Variants in HPSE2 observed in about 807,000 individuals in gnomAD.
The protein encoded by HPSE2 is heparanase 2 (inactive).
Under a neutral mutation model 60.5 loss-of-function variants are expected in HPSE2, and 38 were observed. That is an observed-to-expected ratio of 0.63 (90% confidence interval 0.48 to 0.82). The LOEUF (loss-of-function observed/expected upper bound fraction) is 0.82, where lower values mean the gene tolerates loss of function less well. HPSE2 is among the 40% of genes least tolerant of loss of function. The pLI, the probability that HPSE2 is intolerant of heterozygous loss-of-function variation, is 0.00. For synonymous variants in HPSE2, 295 were observed against 293.2 expected (o/e 1.01, Z -0.06); for missense variants, 713 against 740.4 (o/e 0.96, Z 0.43).
At chr10:98,697,698 C>T (rs11189753) in intron 5 of HPSE2, among the ~76,000 whole-genome samples, 87,200 of 151,878 alleles carry the variant, frequency 0.57, 25,918 homozygotes, top group South Asian at 0.78. Context: ...CCCCAAGACA[C>T]GTAATGATCA....
chr10:98,676,708 A>G (rs1378829625), intron 6 of HPSE2, among the ~76,000 whole-genome samples: 3 of 152,314 alleles, frequency 2.0e-5, no homozygotes, highest in African/African-American at 7.2e-5. Flanking sequence ...GGACCCCTAG[A>G]GATCTAGGCC....
At chr10:98,473,915 C>A (rs1940892495) in intron 11 of HPSE2, among the ~76,000 whole-genome samples, 1 of 152,132 alleles carries the variant, frequency 6.6e-6, no homozygotes, top group South Asian at 2.1e-4. Context: ...ATAGAAGAAA[C>A]CTCTTGACCC....
At chr10:99,173,133 C>T (rs1232892220) in intron 2 of HPSE2, among the ~76,000 whole-genome samples, 1 of 152,044 alleles carries the variant, frequency 6.6e-6, no homozygotes, top group East Asian at 1.9e-4. Flanking sequence ...TTTGTAAGTG[C>T]CCTTGTGGTT....
At chr10:98,795,355 G>A (rs1394408779) in intron 3 of HPSE2, among the ~76,000 whole-genome samples, 4 of 152,206 alleles carry the variant, frequency 2.6e-5, no homozygotes, top group African/African-American at 9.6e-5. Flanking sequence ...CGGAAAGTCT[G>A]TGCACTTGGG....
intron 9 of HPSE2, among the ~76,000 whole-genome samples, chr10:98,602,583 C>T (rs1240656631): frequency 6.6e-6 from 1 of 152,026 alleles, no homozygotes. Flanking sequence ...GATTACTGTA[C>T]ATATACATAT....
At chr10:99,094,833 A>C (rs1028129336) in intron 3 of HPSE2, among the ~76,000 whole-genome samples, 17 of 151,770 alleles carry the variant, frequency 1.1e-4, no homozygotes, top group Middle Eastern at 6.8e-3. Context: ...CTGGGATTAC[A>C]GGCATGAGCC....
At chr10:98,865,262 T>C (rs903085962) in intron 3 of HPSE2, among the ~76,000 whole-genome samples, 4 of 152,122 alleles carry the variant, frequency 2.6e-5, no homozygotes, top group African/African-American at 9.7e-5. Context: ...AACTGATTCC[T>C]AAGATACTTC....
intron 2 of HPSE2, among the ~76,000 whole-genome samples, chr10:99,167,378 C>G (rs968148592): frequency 2.0e-5 from 3 of 152,116 alleles, no homozygotes; most frequent in African/African-American, 7.2e-5. Flanking sequence ...CCCTTTTCTT[C>G]TAGAAGTTTT....
intron 2 of HPSE2, among the ~76,000 whole-genome samples, chr10:99,224,016 T>A (rs1174792441): frequency 6.6e-6 from 1 of 152,108 alleles, no homozygotes; most frequent in African/African-American, 2.4e-5. Flanking sequence ...GAGAGGACAC[T>A]GGAGACTACT....
In HPSE2 at chr10:98,940,144, T is replaced by C. The variant is rs557194262; in HGVS notation, c.611-196088A>G. 4.1e-4 allele frequency among the ~76,000 whole-genome samples: 58 copies of C among 142,910 alleles called. 2 individuals carry two copies. In the South Asian group the frequency reaches 0.012, roughly 30 times the overall value. 93.8% of individuals were successfully genotyped at this position (142,910 alleles called of 152,430 possible). Reference sequence around the variant, plus strand: ...AAGAGAAAGCAGGAAAGATCCAAAATTGACACCCTAACATCACAATTAAAA... The same window carrying C: ...AAGAGAAAGCAGGAAAGATCCAAAACTGACACCCTAACATCACAATTAAAA... On this transcript the variant is annotated intron_variant, in intron 3 of 11. Coordinates refer to ENST00000370552, the MANE Select transcript of HPSE2 (RefSeq NM_021828.5).
chr10:99,096,209 C>A (rs188058519), intron 3 of HPSE2, among the ~76,000 whole-genome samples: 1 of 152,268 alleles, frequency 6.6e-6, no homozygotes, highest in African/African-American at 2.4e-5. Context: ...AAAAATAAAT[C>A]TATAAATTTA....
rs11812824 is a variant in HPSE2 at position 98,971,810 on chromosome 10, A to G, written c.610+172428T>C. 4.2e-3 allele frequency among the ~76,000 whole-genome samples: 635 copies of G among 152,244 alleles called. 2 individuals are homozygous for G. Among genetic ancestry groups the G allele is most frequent in the African/African-American group, 0.015 (611 of 41,558 alleles). On this transcript the variant is annotated intron_variant, in intron 3 of 11. Transcript: ENST00000370552. ...AGAATTCCCGTGGGGGCATAAACAC[A>G]TAAGTGAAATTTCAAATTCAAAGAG...
chr10:99,026,753 T>A (rs1163948213), intron 3 of HPSE2, among the ~76,000 whole-genome samples: 1 of 152,096 alleles, frequency 6.6e-6, no homozygotes, highest in Non-Finnish European at 1.5e-5. Flanking sequence ...TTCAGAAAAT[T>A]GAAATAGTAT....
intron 2 of HPSE2, among the ~76,000 whole-genome samples, chr10:99,216,235 C>T (rs557733623): frequency 8.6e-5 from 11 of 128,002 alleles, no homozygotes; most frequent in African/African-American, 3.4e-4. Context: ...TCACTGGTTG[C>T]CCAGGCTGGA....
chr10:98,729,300 A>AT lies in HPSE2; in HGVS notation c.785-7473dup, dbSNP rs201830322. ...AAAATACAAACAGATTGAAGGTAAA[A>AT]TTTTTTTTTAAAAGGTAGACTATGT... is the stretch of plus-strand genomic sequence containing the variant. On this transcript the variant is annotated intron_variant, in intron 4 of 11. Transcript: ENST00000370552. Among the ~76,000 whole-genome samples the AT allele has an allele frequency of 2.9e-3, 448 of 151,950 alleles. 4 individuals are homozygous for AT. The highest frequency in any genetic ancestry group is 0.01 in the African/African-American group (420 of 41,426).
At chr10:98,758,269 T>A (rs1387584766) in intron 3 of HPSE2, among the ~76,000 whole-genome samples, 1 of 150,814 alleles carries the variant, frequency 6.6e-6, no homozygotes, top group South Asian at 2.1e-4. Flanking sequence ...ATTCTGGACA[T>A]ATGCCCTGGC....
rs190091878 is a variant in HPSE2, at chr10:99,083,002, A to C, written c.610+61236T>G. Among the ~76,000 whole-genome samples, 478 of 152,336 alleles carry C rather than the reference A, an allele frequency of 3.1e-3. 4 individuals carry two copies. Among genetic ancestry groups the C allele is most frequent in the African/African-American group, 0.011 (460 of 41,592 alleles). ...CAGCACTGAGGAAGCCTTTGTTTAG[A>C]GAGCTCTACTTTGGGCCTCTACAAC... is the stretch of plus-strand genomic sequence containing the variant. On this transcript the variant is annotated intron_variant, in intron 3 of 11. Transcript: ENST00000370552.
intron 7 of HPSE2, among the ~76,000 whole-genome samples, chr10:98,627,009 G>A (rs562412016): frequency 2.6e-5 from 4 of 152,206 alleles, no homozygotes; most frequent in Admixed American, 2.0e-4. Flanking sequence ...TCCTGACGTC[G>A]TGATCCGCCC....
At chr10:99,132,201 G>GAA (rs1226001473) in intron 3 of HPSE2, among the ~76,000 whole-genome samples, 196 of 17,058 alleles carry the variant, frequency 0.011, 3 homozygotes, top group African/African-American at 0.019. Flanking sequence ...AAGAGAGAGA[G>GAA]AGAGAGAGAG....
Sources: allele counts gnomAD v4.1 joint callset (sites outside exome capture counted in the v4.1 genomes callset), GRCh38; gene constraint gnomAD v4.1.1; transcripts MANE v1.5; gene names NCBI Gene and HGNC (gene_info 2026-07-23, HGNC 2026-07-21).